Variants in PBX1 observed in about 807,000 individuals in gnomAD.
PBX1 encodes the protein pre-B-cell leukemia transcription factor 1.
Under a neutral mutation model 53.4 loss-of-function variants are expected in PBX1, and 6 were observed. That is an observed-to-expected ratio of 0.11 (90% CI 0.06 to 0.22). The LOEUF is 0.22. Ranked by LOEUF, PBX1 falls within the 10% of genes least tolerant of loss-of-function variation. The probability of loss-of-function intolerance (pLI) is 1.00; values close to 1 mark genes in which losing one functional copy is unlikely to be tolerated. For missense variants in PBX1, 251 were observed against 551.4 expected, an observed-to-expected ratio of 0.46 and a Z score of 5.46; for synonymous variants, 204 against 212.3, an observed-to-expected ratio of 0.96 and a Z score of 0.34.
intron 2 of PBX1, among the ~76,000 whole-genome samples, chr1:164,664,002 G>A (rs1303341850): frequency 2.0e-5 from 3 of 152,194 alleles, no homozygotes; most frequent in Non-Finnish European, 4.4e-5. Context: ...GGTAAATCCT[G>A]AAAGAGCAAA....
intron 8 of PBX1, among the ~76,000 whole-genome samples, chr1:164,831,319 C>T (rs1239771979): frequency 2.0e-5 from 3 of 152,078 alleles, no homozygotes; most frequent in Non-Finnish European, 4.4e-5. Flanking sequence ...GGATTTTTCT[C>T]TTCTGGAACA....
intron 2 of PBX1, among the ~76,000 whole-genome samples, chr1:164,864,947 T>C (rs1672182007): frequency 6.6e-6 from 1 of 152,184 alleles, no homozygotes; most frequent in Non-Finnish European, 1.5e-5. Context: ...ATGGAGCTCA[T>C]GTTCCCGAGG....
chr1:164,693,867 A>G (rs892646668), intron 2 of PBX1, among the ~76,000 whole-genome samples: 2 of 152,206 alleles, frequency 1.3e-5, no homozygotes, highest in Non-Finnish European at 2.9e-5. Context: ...CCTTATGCCC[A>G]AGATTGCCTT....
At chr1:164,844,467 A>G (rs1392470312) in intron 8 of PBX1, among the ~76,000 whole-genome samples, 1 of 152,182 alleles carries the variant, frequency 6.6e-6, no homozygotes. Flanking sequence ...ACATTCACAT[A>G]TAAAAATGAG....
chr1:164,876,211 A>C (rs1672507145), intron 2 of PBX1, among the ~76,000 whole-genome samples: 1 of 152,008 alleles, frequency 6.6e-6, no homozygotes, highest in South Asian at 2.1e-4. Context: ...AATCATAATA[A>C]TATAGTAGTA....
intron 2 of PBX1, among the ~76,000 whole-genome samples, chr1:164,679,420 A>T (rs879215022): frequency 6.6e-6 from 1 of 152,316 alleles, no homozygotes; most frequent in Admixed American, 6.5e-5. Flanking sequence ...TGGGGACCTT[A>T]GTAGGAGACA....
intron 2 of PBX1, among the ~76,000 whole-genome samples, chr1:164,737,413 A>G (rs1207653939): frequency 1.3e-5 from 2 of 152,148 alleles, no homozygotes; most frequent in Non-Finnish European, 2.9e-5. Context: ...TAATTCACCA[A>G]TTTTAAGTAT....
At chr1:164,824,875 G>A (rs781028219) in intron 8 of PBX1, among the ~76,000 whole-genome samples, 10 of 152,130 alleles carry the variant, frequency 6.6e-5, no homozygotes, top group Non-Finnish European at 1.3e-4. Context: ...CCTAGTTCTA[G>A]AAATAGTTCA....
At chr1:164,817,532 G>C (rs999900797) in intron 6 of PBX1, 1 of 152,214 alleles carries the variant, frequency 6.6e-6, no homozygotes, top group Non-Finnish European at 1.5e-5. Flanking sequence ...ATGAAATGCT[G>C]AAACAGCACA....
chr1:164,834,284 T>C (rs1670919568), intron 8 of PBX1, among the ~76,000 whole-genome samples: 1 of 151,980 alleles, frequency 6.6e-6, no homozygotes, highest in African/African-American at 2.4e-5. Context: ...ATGCCTGTTC[T>C]TGAGCAGCTC....
intron 2 of PBX1, among the ~76,000 whole-genome samples, chr1:164,711,666 G>C (rs368405752): frequency 1.3e-4 from 20 of 152,354 alleles, no homozygotes; most frequent in African/African-American, 4.3e-4. Flanking sequence ...AGCATTGGGA[G>C]AGCGGAGATT....
At chr1:164,635,763 C>T (rs550679057) in intron 2 of PBX1, among the ~76,000 whole-genome samples, 40 of 152,166 alleles carry the variant, frequency 2.6e-4, no homozygotes, top group Non-Finnish European at 4.7e-4. Context: ...ATTTTGATTC[C>T]GTAGAGACCG....
At chr1:164,664,841 T>G (rs1660714374) in intron 2 of PBX1, among the ~76,000 whole-genome samples, 1 of 152,092 alleles carries the variant, frequency 6.6e-6, no homozygotes, top group Admixed American at 6.5e-5. Flanking sequence ...TGAGACTTAT[T>G]TGCTATCAAG....
intron 2 of PBX1, among the ~76,000 whole-genome samples, chr1:164,702,199 T>A (rs1571249083): frequency 6.6e-6 from 1 of 151,996 alleles, no homozygotes. Flanking sequence ...GTTTTTTTTT[T>A]AATGTTCTCC....
chr1:164,679,050 T>C (rs946188133), intron 2 of PBX1, among the ~76,000 whole-genome samples: 2 of 152,206 alleles, frequency 1.3e-5, no homozygotes, highest in Non-Finnish European at 2.9e-5. Flanking sequence ...AAGACCAGTG[T>C]TTTCAGAAAT....
chr1:164,646,543 T>C (rs1418618816), intron 2 of PBX1, among the ~76,000 whole-genome samples: 2 of 152,140 alleles, frequency 1.3e-5, no homozygotes, highest in African/African-American at 4.8e-5. Context: ...ACCGACCCCT[T>C]ACTTCTAATT....
At chr1:164,780,692 G>A (rs940434015) in intron 2 of PBX1, among the ~76,000 whole-genome samples, 10 of 152,086 alleles carry the variant, frequency 6.6e-5, no homozygotes, top group African/African-American at 2.4e-4. Flanking sequence ...ACACATCCCC[G>A]AAGACATTAA....
chr1:164,703,197 G>C (rs1380513254), intron 2 of PBX1: 2 of 152,084 alleles, frequency 1.3e-5, no homozygotes, highest in African/African-American at 2.4e-5. Context: ...ACATCAAACT[G>C]AGTGTGGACA....
chr1:164,802,464 G>T (rs729071), intron 4 of PBX1, among the ~76,000 whole-genome samples: 105,477 of 152,070 alleles, frequency 0.69, 37,830 homozygotes, highest in African/African-American at 0.89. Flanking sequence ...CAATAGGCAG[G>T]TCACAGTTTG....
Sources: gnomAD v4.1 joint callset for allele counts (sites outside exome capture counted in the v4.1 genomes callset) on GRCh38, gnomAD v4.1.1 for gene constraint, MANE v1.5 for transcripts, NCBI Gene and HGNC (gene_info 2026-07-23, HGNC 2026-07-21) for gene names.